The following FYTTD1 variants were observed in gnomAD, a reference collection of about 807,000 sequenced individuals.
The protein encoded by FYTTD1 is UAP56-interacting factor.
FYTTD1 carries 22 observed loss-of-function variants against 40.9 expected under a neutral mutation model. The ratio of observed to expected loss-of-function variants is 0.54; its 90% CI spans 0.38 to 0.77. FYTTD1 has a LOEUF of 0.77. Among genes scored for constraint, FYTTD1 ranks in the 30% least tolerant of loss-of-function variants. The pLI is 0.00. For missense variants in FYTTD1, 351 were observed against 392.2 expected (o/e 0.90, Z 0.89); for synonymous variants, 140 against 137.9 (o/e 1.01, Z -0.10).
intron 8 of FYTTD1, among the ~76,000 whole-genome samples, chr3:197,780,517 G>A (rs1039551273): frequency 6.6e-6 from 1 of 152,000 alleles, no homozygotes; most frequent in Non-Finnish European, 1.5e-5. Context: ...CACTAAATAT[G>A]TCACCATTTA....
At chr3:197,765,816 G>A (rs1469296283) in intron 2 of FYTTD1, among the ~76,000 whole-genome samples, 2 of 151,910 alleles carry the variant, frequency 1.3e-5, no homozygotes, top group Non-Finnish European at 2.9e-5. Context: ...CTAACACAGC[G>A]AAACCCTGTC....
chr3:197,774,203 A>T lies in FYTTD1; in HGVS notation c.649A>T (p.Thr217Ser). ...GCTAGACGATGTAGTAGCAAAGAGA[A>T]CTCGTCAGTAAGTTTCCATTTGTTT... ...QLLDDVVAKR[T>S]RQWRTSTTNG... is the part of the protein sequence containing the mutation. The change falls in exon 6 of 9, where the codon ACT becomes TCT. Residue 217 changes from threonine to serine, a missense_variant. By Grantham distance (58) the Thr-to-Ser change is moderately conservative. Transcript: ENST00000241502. The T allele has an allele frequency of 6.2e-7, 1 of 1,613,440 alleles. No individual in the cohort carries two copies. Among genetic ancestry groups the T allele is most frequent in the South Asian group, 1.1e-5 (1 of 91,064 alleles).
chr3:197,786,803 T>C lies in FYTTD1; in HGVS notation c.*4894T>C, dbSNP rs1226824243. 1 of 152,150 alleles carries C rather than the reference T, an allele frequency of 6.6e-6. No homozygotes were observed. The highest frequency in any genetic ancestry group is 1.5e-5 in the Non-Finnish European group (1 of 68,032). 9.4% of individuals were successfully genotyped at this position (152,150 alleles called of 1,614,324 possible). On this transcript the variant is annotated 3_prime_UTR_variant, in exon 9 of 9. Transcript: ENST00000241502. ...GTTTATAAAAGCGGAGTTTTTTTAT[T>C]TTTTGAGACGGAATACTCTGTCACC... is the stretch of plus-strand genomic sequence containing the variant.
intron 2 of FYTTD1, among the ~76,000 whole-genome samples, chr3:197,761,866 A>G (rs915470343): frequency 1.3e-5 from 2 of 152,262 alleles, no homozygotes; most frequent in Admixed American, 6.5e-5. Context: ...ACAAAGTACC[A>G]TAGACTAGGT....
At chr3:197,765,756 G>A (rs1729524822) in intron 2 of FYTTD1, among the ~76,000 whole-genome samples, 1 of 151,964 alleles carries the variant, frequency 6.6e-6, no homozygotes. Context: ...AAGCACTCTC[G>A]GAGGCTGAGG....
rs532213118 is a variant in FYTTD1 at position 197,771,017 on chromosome 3, A to G, written c.497+773A>G. Among the ~76,000 whole-genome samples, 10 of 152,320 alleles carry G rather than the reference A, an allele frequency of 6.6e-5. No individual in the cohort carries two copies. In the East Asian group the frequency reaches 1.4e-3, roughly 21 times the overall value. The stretch of plus-strand genomic sequence containing the variant: ...AGAATTCTTCATGAACACTTGTTAA[A>G]CTGAAATTATTTTTATACTAAATTG... On this transcript the variant is annotated intron_variant, in intron 4 of 8. Transcript: ENST00000241502.
In FYTTD1 at chr3:197,773,476, T is replaced by G; in HGVS notation, c.571T>G (p.Phe191Val). The part of the protein sequence containing the change: ...NHQKDTRQAT[F>V]LFRRGLKVQA... ...TCAGAAAGATACTCGTCAGGCAACTTTTCTTTTCAGAAGAGGCCTGAAGGT... is the reference window on the plus strand; with the variant it reads ...TCAGAAAGATACTCGTCAGGCAACTGTTCTTTTCAGAAGAGGCCTGAAGGT... The change falls in exon 5 of 9, where the codon TTT becomes GTT. Residue 191 changes from phenylalanine to valine, a missense_variant. Phe to Val is a conservative substitution (Grantham distance 50, BLOSUM62 -1). Transcript: ENST00000241502. 2 of 1,596,222 alleles carry G rather than the reference T, an allele frequency of 1.3e-6. No homozygotes were observed.
intron 2 of FYTTD1, among the ~76,000 whole-genome samples, chr3:197,762,504 G>A (rs1427498364): frequency 1.3e-5 from 2 of 151,652 alleles, no homozygotes; most frequent in South Asian, 2.1e-4. Context: ...CAGGAGAATC[G>A]CTTGAACCTG....
intron 1 of FYTTD1, 137 bp downstream of exon 1, chr3:197,750,211 G>C (rs1728963202): frequency 2.4e-6 from 2 of 840,482 alleles, no homozygotes; most frequent in African/African-American, 3.6e-5. Context: ...CCCGAGCGGA[G>C]GCCCGGAGGA....
At chr3:197,766,213 C>T (rs1729540049) in intron 2 of FYTTD1, among the ~76,000 whole-genome samples, 2 of 151,444 alleles carry the variant, frequency 1.3e-5, no homozygotes, top group Admixed American at 1.3e-4. Flanking sequence ...AGCATTTCAC[C>T]TTCTAGAAAC....
intron 1 of FYTTD1, among the ~76,000 whole-genome samples, chr3:197,756,018 A>G (rs868710157): frequency 6.6e-6 from 1 of 151,550 alleles, no homozygotes; most frequent in Non-Finnish European, 1.5e-5. Flanking sequence ...TGATTATGGG[A>G]AGTAGGTAGG....
chr3:197,773,561 G>A lies in FYTTD1; in HGVS notation c.594+62G>A, dbSNP rs1729780515. ...TTTGTTTTTTCCCAAAGAGGATCCT[G>A]AGCAGCCACCTTTAGTAAGCCTCAG... On this transcript the variant is annotated intron_variant, in intron 5 of 8. Transcript: ENST00000241502. The A allele has an allele frequency of 4.2e-6, 4 of 956,718 alleles. No homozygotes were observed. In the Admixed American group the frequency reaches 8.3e-5, roughly 20 times the overall value. The allele number at this position is 956,718 out of a possible 1,614,324, so 59.3% of individuals were successfully genotyped here.
chr3:197,775,847 A>G (rs922194994), intron 6 of FYTTD1, among the ~76,000 whole-genome samples: 3 of 152,250 alleles, frequency 2.0e-5, no homozygotes, highest in Admixed American at 6.5e-5. Context: ...TTGTGATCAT[A>G]TAAATGTTAT....
chr3:197,765,987 C>T (rs538114424), intron 2 of FYTTD1, among the ~76,000 whole-genome samples: 18 of 151,866 alleles, frequency 1.2e-4, no homozygotes, highest in Non-Finnish European at 2.5e-4. Context: ...CAGAGCAAGA[C>T]TCTGTCTCAA....
intron 6 of FYTTD1, among the ~76,000 whole-genome samples, chr3:197,776,583 G>C (rs1418628874): frequency 6.6e-6 from 1 of 151,768 alleles, no homozygotes; most frequent in Non-Finnish European, 1.5e-5. Context: ...TAACCAGAAA[G>C]CAGTAAAAAC....
Position 197,783,888 on chromosome 3 carries a change from A to G in FYTTD1, c.*1979A>G, listed in dbSNP as rs563957521. On this transcript the variant is annotated 3_prime_UTR_variant, in exon 9 of 9. Coordinates refer to ENST00000241502, the MANE Select transcript of FYTTD1 (RefSeq NM_032288.7). Reference sequence around the variant, plus strand: ...AATACTGACATTGAGTGCATTAAATAACAAATTATCTTTGATACATTAAAC... The same window carrying G: ...AATACTGACATTGAGTGCATTAAATGACAAATTATCTTTGATACATTAAAC... The G allele has an allele frequency of 1.3e-5, 2 of 152,782 alleles. No homozygotes were observed. The highest frequency in any genetic ancestry group is 1.3e-4 in the Admixed American group (2 of 15,296). 9.5% of individuals were successfully genotyped at this position (152,782 alleles called of 1,614,324 possible).
intron 5 of FYTTD1, among the ~76,000 whole-genome samples, chr3:197,773,762 A>G (rs1044820356): frequency 1.3e-5 from 2 of 152,248 alleles, no homozygotes; most frequent in Non-Finnish European, 2.9e-5. Context: ...AGGAATTCCA[A>G]CAGGGAACTG....
rs1728949546 is a variant in FYTTD1 at position 197,749,987 on chromosome 3, A to G, written c.16A>G (p.Thr6Ala). The change falls in exon 1 of 9, where the codon ACC (threonine) becomes GCC (alanine). Residue 6 changes from threonine (T) to alanine (A), a missense_variant. Transcript: ENST00000241502. MNRFG[T>A]RLVGATATSS... ...GTCTCCAGCCATGAACCGGTTTGGTACCCGGTTGGTGGGAGCCACGGCGAC... is the reference window on the plus strand; with the variant it reads ...GTCTCCAGCCATGAACCGGTTTGGTGCCCGGTTGGTGGGAGCCACGGCGAC... 6.3e-7 allele frequency: 1 copy of G among 1,582,216 alleles called. No homozygotes were observed. The highest frequency in any genetic ancestry group is 8.6e-7 in the Non-Finnish European group (1 of 1,166,188).
intron 4 of FYTTD1, among the ~76,000 whole-genome samples, chr3:197,772,413 G>A (rs939229421): frequency 2.8e-4 from 43 of 152,082 alleles, no homozygotes; most frequent in African/African-American, 8.7e-4. Context: ...TTAATTTTTC[G>A]TACTTCACTA....
Sources: gnomAD v4.1 joint callset for allele counts (sites outside exome capture counted in the v4.1 genomes callset) on GRCh38, gnomAD v4.1.1 for gene constraint, MANE v1.5 for transcripts, NCBI Gene and HGNC (gene_info 2026-07-23, HGNC 2026-07-21) for gene names.